TMEM192: variants seen among roughly 807,000 people sequenced by gnomAD.
TMEM192 encodes transmembrane protein 192.
TMEM192 carries 20 observed loss-of-function variants against 26.7 expected under a neutral mutation model. The ratio of observed to expected loss-of-function variants is 0.75; its 90% CI spans 0.53 to 1.09. The LOEUF (loss-of-function observed/expected upper bound fraction) is 1.09. Ranked by LOEUF, TMEM192 falls within the 50% of genes least tolerant of loss-of-function variation. TMEM192 has a pLI of 0.00. For missense variants in TMEM192, 304 were observed against 322.6 expected, an observed-to-expected ratio of 0.94 and a Z score of 0.44; for synonymous variants, 124 against 121.0, an observed-to-expected ratio of 1.02 and a Z score of -0.16.
Position 165,079,488 on chromosome 4 carries a change from G to A in TMEM192, c.*170C>T. 1.6e-6 allele frequency: 1 copy of A among 613,670 alleles called. No individual in the cohort carries two copies. The highest frequency in any genetic ancestry group is 2.6e-6 in the Non-Finnish European group (1 of 379,836). The allele number at this position is 613,670 out of a possible 1,614,324, so 38.0% of individuals were successfully genotyped here. On this transcript the variant is annotated 3_prime_UTR_variant, in exon 6 of 6. Coordinates refer to ENST00000306480, the MANE Select transcript of TMEM192 (RefSeq NM_001100389.2). Reference sequence around the variant, plus strand: ...CAGGTACTTTTCAAGTGACCCACAAGCCCTATATTTTAAACAGCCACAGAA... The same window carrying A: ...CAGGTACTTTTCAAGTGACCCACAAACCCTATATTTTAAACAGCCACAGAA...
intron 5 of TMEM192, among the ~76,000 whole-genome samples, chr4:165,081,078 A>G (rs1734507941): frequency 6.6e-6 from 1 of 152,176 alleles, no homozygotes; most frequent in Non-Finnish European, 1.5e-5. Flanking sequence ...ATTTATAAGT[A>G]TATTCGGAAA....
intron 3 of TMEM192, among the ~76,000 whole-genome samples, chr4:165,094,002 C>T (rs532155308): frequency 5.3e-5 from 8 of 152,304 alleles, no homozygotes; most frequent in East Asian, 1.9e-4. Flanking sequence ...CAGGTTCAAG[C>T]GATTCTTCTG....
At chr4:165,106,652 C>A (rs1735166853) in intron 1 of TMEM192, among the ~76,000 whole-genome samples, 1 of 152,224 alleles carries the variant, frequency 6.6e-6, no homozygotes. Context: ...CTTTGGACAT[C>A]AGACTCCAGA....
chr4:165,110,664 C>T (rs1735273836), intron 1 of TMEM192, among the ~76,000 whole-genome samples: 1 of 152,198 alleles, frequency 6.6e-6, no homozygotes, highest in Admixed American at 6.5e-5. Flanking sequence ...GAGATCGTAC[C>T]ATTGCACTCC....
In TMEM192 at chr4:165,088,558, G is replaced by A. The variant is rs192693975; in HGVS notation, c.484C>T (p.Pro162Ser). Residue 162 changes from proline to serine, a missense_variant, in exon 4 of 6, where the codon CCA becomes TCA. Pro to Ser is a moderately conservative substitution (Grantham distance 74). Transcript: ENST00000306480. ...LLILCMQHSF[P>S]EPGRLYLDLI... ...TCAAGATACAATCTGCCAGGCTCTG[G>A]GAAGGAGTGCTGCATGCACAGTATG... is the stretch of plus-strand genomic sequence containing the variant. 9 of 1,613,588 alleles carry A rather than the reference G, an allele frequency of 5.6e-6. No homozygotes were observed. In the Admixed American group the frequency reaches 1.5e-4, roughly 27 times the overall value.
At chr4:165,098,626 A>AT (rs567499288) in intron 3 of TMEM192, among the ~76,000 whole-genome samples, 17 of 149,704 alleles carry the variant, frequency 1.1e-4, no homozygotes, top group Admixed American at 1.0e-3. Flanking sequence ...TTCAAAAAAA[A>AT]TTTTTTTTTC....
intron 3 of TMEM192, among the ~76,000 whole-genome samples, chr4:165,096,655 A>C (rs189890091): frequency 0.012 from 1,844 of 151,842 alleles, 18 homozygotes; most frequent in South Asian, 0.027. Flanking sequence ...AAATAAGAAA[A>C]AATATTTTAA....
intron 1 of TMEM192, among the ~76,000 whole-genome samples, chr4:165,104,764 C>T (rs1158202475): frequency 6.6e-6 from 1 of 152,148 alleles, no homozygotes; most frequent in East Asian, 1.9e-4. Context: ...CTCCCAACCC[C>T]AGGTGATCCG....
At position 165,098,843 on chromosome 4, in the gene TMEM192, G is replaced by A. The variant is rs561623377; in HGVS notation, c.439+1785C>T. Among the ~76,000 whole-genome samples the A allele has an allele frequency of 1.3e-4, 19 of 151,506 alleles. 1 individual carries two copies. The South Asian group carries it at 1.7e-3, about 13-fold the overall frequency. On this transcript the variant is annotated intron_variant, in intron 3 of 5. Coordinates refer to ENST00000306480, the MANE Select transcript of TMEM192 (RefSeq NM_001100389.2). Reference sequence around the variant, plus strand: ...CTCCCAAGTAGCTGGGACTACAGGCGCGTGCCACCACACCCGGCTAATTTT... The same window carrying A: ...CTCCCAAGTAGCTGGGACTACAGGCACGTGCCACCACACCCGGCTAATTTT...
At position 165,090,910 on chromosome 4, in the gene TMEM192, C is replaced by CAAA. The variant is rs70952700; in HGVS notation, c.440-2311_440-2309dup. On this transcript the variant is annotated intron_variant, in intron 3 of 5. Coordinates refer to ENST00000306480, the MANE Select transcript of TMEM192 (RefSeq NM_001100389.2). ...TGGGCGACGGAGAGAGACTCTGTCT[C>CAAA]AAAAAAAAAAAAAAAAAAAGGTCAT... Among the ~76,000 whole-genome samples the CAAA allele has an allele frequency of 1.6e-4, 8 of 51,022 alleles. 2 individuals are homozygous for CAAA. The highest frequency in any genetic ancestry group is 3.1e-4 in the African/African-American group (4 of 12,838). 33.5% of individuals were successfully genotyped at this position (51,022 alleles called of 152,430 possible).
chr4:165,091,797 T>G (rs942771739), intron 3 of TMEM192, among the ~76,000 whole-genome samples: 4 of 152,336 alleles, frequency 2.6e-5, no homozygotes, highest in Admixed American at 1.3e-4. Flanking sequence ...TGACAATTAC[T>G]TCCTTTAGGT....
intron 3 of TMEM192, among the ~76,000 whole-genome samples, chr4:165,098,172 T>A (rs899227149): frequency 1.3e-5 from 2 of 151,968 alleles, no homozygotes; most frequent in South Asian, 2.1e-4. Flanking sequence ...TCACCCAGGC[T>A]GCAGTGCAAT....
rs761286842 is a variant in TMEM192 at position 165,079,643 on chromosome 4, A to C, written c.*15T>G. On this transcript the variant is annotated 3_prime_UTR_variant, in exon 6 of 6. Coordinates refer to ENST00000306480, the MANE Select transcript of TMEM192 (RefSeq NM_001100389.2). ...TCTGGGTTCCTCTGCAATTGCTGTC[A>C]TGACCGTGAGCCTCTCACGTTCTAC... The C allele has an allele frequency of 1.9e-6, 3 of 1,602,652 alleles. No individual in the cohort carries two copies. Among genetic ancestry groups the C allele is most frequent in the Non-Finnish European group, 2.6e-6 (3 of 1,173,814 alleles).
At chr4:165,086,834 C>T (rs1734629118) in intron 4 of TMEM192, among the ~76,000 whole-genome samples, 1 of 150,204 alleles carries the variant, frequency 6.7e-6, no homozygotes, top group South Asian at 2.2e-4. Context: ...ACCTTTCAGG[C>T]TGGGCATGGT....
rs201670055 is a variant in TMEM192, at chr4:165,109,638, T to C, written c.27+3109A>G. Among the ~76,000 whole-genome samples, 45 of 152,346 alleles carry C rather than the reference T, an allele frequency of 3.0e-4. No individual in the cohort carries two copies. The East Asian group carries it at 8.3e-3, about 28-fold the overall frequency. ...CCTCAGCCTCCCAAAGTGCTGGGATTACAGGCGTGAGCCACCGCACCTGGC... is the reference window on the plus strand; with the variant it reads ...CCTCAGCCTCCCAAAGTGCTGGGATCACAGGCGTGAGCCACCGCACCTGGC... On this transcript the variant is annotated intron_variant, in intron 1 of 5. Coordinates refer to ENST00000306480, the MANE Select transcript of TMEM192 (RefSeq NM_001100389.2).
At chr4:165,084,539 T>C (rs1367838265) in intron 5 of TMEM192, among the ~76,000 whole-genome samples, 1 of 152,060 alleles carries the variant, frequency 6.6e-6, no homozygotes, top group African/African-American at 2.4e-5. Context: ...CTTATGTCTG[T>C]TGCTATCCAC....
At chr4:165,110,500 AC>A (rs1403042627) in intron 1 of TMEM192, among the ~76,000 whole-genome samples, 2 of 152,174 alleles carry the variant, frequency 1.3e-5, no homozygotes, top group Non-Finnish European at 2.9e-5. Context: ...CAGATGGATC[AC>A]CTGAGACCAG....
chr4:165,096,165 T>C (rs1034112991), intron 3 of TMEM192, among the ~76,000 whole-genome samples: 2 of 151,236 alleles, frequency 1.3e-5, no homozygotes, highest in East Asian at 2.0e-4. Flanking sequence ...GCCAGCACTA[T>C]GGGAGGCCAA....
rs114471810 is a variant in TMEM192 at position 165,093,554 on chromosome 4, C to G, written c.440-4952G>C. Among the ~76,000 whole-genome samples the G allele has an allele frequency of 2.7e-3, 407 of 152,228 alleles. 1 individual carries two copies. Among genetic ancestry groups the G allele is most frequent in the African/African-American group, 9.4e-3 (391 of 41,550 alleles). On this transcript the variant is annotated intron_variant, in intron 3 of 5. Coordinates refer to ENST00000306480, the MANE Select transcript of TMEM192 (RefSeq NM_001100389.2). The stretch of plus-strand genomic sequence containing the variant: ...GAAAGCCATACTGAAATAAAACATT[C>G]CTTATAATGGTATGTGCTGTGGACA...
Sources: gnomAD v4.1 joint callset for allele counts (sites outside exome capture counted in the v4.1 genomes callset) on GRCh38, gnomAD v4.1.1 for gene constraint, MANE v1.5 for transcripts, NCBI Gene and HGNC (gene_info 2026-07-23, HGNC 2026-07-21) for gene names.